TRIM71: variants seen among roughly 807,000 people sequenced by gnomAD.
The protein encoded by TRIM71 is E3 ubiquitin-protein ligase TRIM71.
TRIM71 carries 9 observed loss-of-function variants against 61.2 expected under a neutral mutation model. That is an observed-to-expected ratio of 0.15 (90% CI 0.09 to 0.26). TRIM71 has a LOEUF of 0.26. TRIM71 is among the 10% of genes least tolerant of loss of function. The probability of loss-of-function intolerance (pLI) is 1.00; values close to 1 mark genes in which losing one functional copy is unlikely to be tolerated. For synonymous variants in TRIM71, 645 were observed against 553.2 expected, an observed-to-expected ratio of 1.17 and a Z score of -2.33; for missense variants, 998 against 1,238.7, an observed-to-expected ratio of 0.81 and a Z score of 2.92.
intron 1 of TRIM71, among the ~76,000 whole-genome samples, chr3:32,848,502 C>T (rs1696500473): frequency 6.6e-6 from 1 of 152,132 alleles, no homozygotes; most frequent in African/African-American, 2.4e-5. Flanking sequence ...AGGTTCCCTC[C>T]GAAGAAATAA....
In TRIM71 at chr3:32,890,779, G is replaced by A. The variant is rs754838217; in HGVS notation, c.1575G>A (p.Ser525=). The change falls in exon 4 of 4, where the codon TCG becomes TCA. Residue 525 remains serine, a synonymous_variant. Transcript: ENST00000383763. The surrounding 1 kb of genome is among the most constrained non-coding windows in gnomAD (Gnocchi z 6.2). ...GCCTCTCAGGAGGCGACCTGATGTCGGCTGTGGTCCTGGGCCCTGATGGCA... is the reference window on the plus strand; with the variant it reads ...GCCTCTCAGGAGGCGACCTGATGTCAGCTGTGGTCCTGGGCCCTGATGGCA... ...EPRLSGGDLM[S]AVVLGPDGNL... 18 of 1,614,046 alleles carry A rather than the reference G, an allele frequency of 1.1e-5. No homozygotes were observed. The highest frequency in any genetic ancestry group is 7.6e-6 in the Non-Finnish European group (9 of 1,180,040).
intron 1 of TRIM71, among the ~76,000 whole-genome samples, chr3:32,857,613 A>G (rs1696619509): frequency 6.6e-6 from 1 of 152,212 alleles, no homozygotes; most frequent in South Asian, 2.1e-4. Context: ...TATTATTTGT[A>G]TGTTACATGT....
intron 3 of TRIM71, among the ~76,000 whole-genome samples, chr3:32,889,146 T>C (rs1218786020): frequency 1.3e-5 from 2 of 152,222 alleles, no homozygotes; most frequent in African/African-American, 4.8e-5. Flanking sequence ...ACTACAACTC[T>C]GTGTGAGCAA....
chr3:32,873,313 C>G (rs1050060963), intron 1 of TRIM71, among the ~76,000 whole-genome samples: 2 of 152,186 alleles, frequency 1.3e-5, no homozygotes, highest in African/African-American at 4.8e-5. Flanking sequence ...CTTTGCATTA[C>G]TACCTGTGGT....
intron 1 of TRIM71, among the ~76,000 whole-genome samples, chr3:32,869,679 G>C (rs935426742): frequency 6.6e-6 from 1 of 151,990 alleles, no homozygotes; most frequent in African/African-American, 2.4e-5. Context: ...CATTCCTCCC[G>C]GCCTAGTCTC....
intron 1 of TRIM71, among the ~76,000 whole-genome samples, chr3:32,838,645 C>A (rs1008786917): frequency 6.6e-6 from 1 of 151,140 alleles, no homozygotes; most frequent in African/African-American, 2.4e-5. Context: ...AGCTAAAGCT[C>A]TTTGGTCCTT....
intron 1 of TRIM71, among the ~76,000 whole-genome samples, chr3:32,840,133 C>T (rs141228861): frequency 1.4e-4 from 21 of 152,290 alleles, no homozygotes; most frequent in African/African-American, 4.8e-4. Flanking sequence ...TCATCTCCTG[C>T]TCATCTGAAG....
In TRIM71 at chr3:32,890,597, G is replaced by T; in HGVS notation, c.1393G>T (p.Asp465Tyr). Residue 465 changes from aspartate (D) to tyrosine (Y), a missense_variant, in exon 4 of 4, where the codon GAT becomes TAT. This residue lies in a region of TRIM71 where 291 missense variants were observed against 431.2 expected (regional missense o/e 0.67). Transcript: ENST00000383763. This position sits in a 1 kb window ranked among gnomAD's most constrained non-coding sequence, Gnocchi z 6.2. ...EDDRVMFTPPDQALYLAIKSF... is the reference protein window; with the variant it reads ...EDDRVMFTPPYQALYLAIKSF... ...CGACCGAGTCATGTTCACACCCCCC[G>T]ATCAGGCACTGTACCTTGCCATCAA... 1 of 1,613,872 alleles carries T rather than the reference G, an allele frequency of 6.2e-7. No individual in the cohort carries two copies. The highest frequency in any genetic ancestry group is 8.5e-7 in the Non-Finnish European group (1 of 1,180,018).
intron 2 of TRIM71, among the ~76,000 whole-genome samples, chr3:32,884,962 C>T (rs1325286024): frequency 1.3e-5 from 2 of 152,104 alleles, no homozygotes; most frequent in Admixed American, 6.5e-5. Context: ...AGTAGGAGGC[C>T]CTAAACTAAC....
chr3:32,878,456 A>C (rs1043196644), intron 2 of TRIM71, among the ~76,000 whole-genome samples: 5 of 152,250 alleles, frequency 3.3e-5, no homozygotes, highest in Admixed American at 2.6e-4. Context: ...TCTCTACTAA[A>C]TACAAAAAAT....
intron 1 of TRIM71, among the ~76,000 whole-genome samples, chr3:32,833,634 TTTTATTTATTTATTTA>T (rs572371235): frequency 3.3e-4 from 49 of 146,788 alleles, no homozygotes; most frequent in Admixed American, 6.8e-4. Flanking sequence ...GAGAATGCTT[TTTTATTTATTTATTTA>T]TTTATTTATT....
intron 1 of TRIM71, among the ~76,000 whole-genome samples, chr3:32,828,386 T>C (rs939694546): frequency 2.6e-5 from 4 of 152,188 alleles, no homozygotes; most frequent in Non-Finnish European, 5.9e-5. Context: ...TAGATTCTGC[T>C]TTGCCTCAGT....
chr3:32,877,982 TACCAC>T (rs918246386), intron 2 of TRIM71, among the ~76,000 whole-genome samples: 20 of 152,342 alleles, frequency 1.3e-4, no homozygotes, highest in African/African-American at 4.8e-4. Context: ...CCAAAGTGAG[TACCAC>T]ACATGTTCTT....
intron 1 of TRIM71, among the ~76,000 whole-genome samples, chr3:32,847,218 C>CT (rs1696485836): frequency 1.6e-5 from 2 of 121,932 alleles, no homozygotes; most frequent in South Asian, 2.6e-4. Flanking sequence ...TTTTTTGAGA[C>CT]TGAGTTTTGC....
chr3:32,889,160 C>A (rs1481856864), intron 3 of TRIM71, among the ~76,000 whole-genome samples: 1 of 152,188 alleles, frequency 6.6e-6, no homozygotes, highest in Non-Finnish European at 1.5e-5. Flanking sequence ...TGAGCAAGGA[C>A]CATATTTTAT....
At position 32,818,089 on chromosome 3, in the gene TRIM71, G is replaced by T. The variant is rs779603354; in HGVS notation, c.9G>T (p.Ser3=). 6.2e-7 allele frequency: 1 copy of T among 1,609,956 alleles called. No homozygotes were observed. Among genetic ancestry groups the T allele is most frequent in the Middle Eastern group, 1.7e-4 (1 of 6,044 alleles). Residue 3 remains serine, a synonymous_variant, in exon 1 of 4, where the codon TCG becomes TCT. Coordinates refer to ENST00000383763, the MANE Select transcript of TRIM71 (RefSeq NM_001039111.3). Reference sequence around the variant, plus strand: ...TCCGGGCTGGGTTGCAAATGGCTTCGTTCCCCGAGACCGATTTCCAGATCT... The same window carrying T: ...TCCGGGCTGGGTTGCAAATGGCTTCTTTCCCCGAGACCGATTTCCAGATCT... MA[S]FPETDFQICL...
At chr3:32,828,498 T>C (rs375702263) in intron 1 of TRIM71, among the ~76,000 whole-genome samples, 21 of 134,292 alleles carry the variant, frequency 1.6e-4, no homozygotes, top group South Asian at 5.0e-4. Flanking sequence ...AAGGCAATTG[T>C]AAACTTTTTT....
At chr3:32,871,119 T>C (rs966476868) in intron 1 of TRIM71, among the ~76,000 whole-genome samples, 1 of 152,162 alleles carries the variant, frequency 6.6e-6, no homozygotes, top group Non-Finnish European at 1.5e-5. Flanking sequence ...CTCTATTAGG[T>C]AGACTTTCTG....
intron 1 of TRIM71, among the ~76,000 whole-genome samples, chr3:32,864,961 A>G (rs1387828939): frequency 6.6e-6 from 1 of 151,060 alleles, no homozygotes; most frequent in Non-Finnish European, 1.5e-5. Context: ...TCCCTGCCGG[A>G]ATCCCCTCCT....
Sources: allele counts gnomAD v4.1 joint callset (sites outside exome capture counted in the v4.1 genomes callset), GRCh38; gene constraint gnomAD v4.1.1; regional missense constraint gnomAD v4.1.1; non-coding constraint Gnocchi (gnomAD v3.1); transcripts MANE v1.5; gene names NCBI Gene and HGNC (gene_info 2026-07-23, HGNC 2026-07-21).